NLRP5: variants seen among roughly 807,000 people sequenced by gnomAD.
NLRP5 encodes the protein NACHT, LRR and PYD domains-containing protein 5.
In NLRP5, 93 loss-of-function variants were observed where a neutral mutation model predicts 113.1. The ratio of observed to expected loss-of-function variants is 0.82; its 90% CI spans 0.70 to 0.98. The LOEUF (loss-of-function observed/expected upper bound fraction) is 0.98, where lower values mean the gene tolerates loss of function less well. NLRP5 is among the 50% of genes least tolerant of loss of function. NLRP5 has a pLI of 0.00. For missense variants in NLRP5, 1,808 were observed against 1,514.3 expected (o/e 1.19, Z -3.22); for synonymous variants, 751 against 600.7 (o/e 1.25, Z -3.66).
At chr19:56,051,092 G>A (rs992815937) in intron 12 of NLRP5, among the ~76,000 whole-genome samples, 2 of 152,152 alleles carry the variant, frequency 1.3e-5, no homozygotes, top group African/African-American at 4.8e-5. Context: ...TGTCTTCTGG[G>A]GTTCTCTTGT....
Position 56,050,289 on chromosome 19 carries a change from G to GGA in NLRP5, c.2958-129_2958-128insGA, listed in dbSNP as rs1568501904. On this transcript the variant is annotated intron_variant, in intron 11 of 14. Coordinates refer to ENST00000390649, the MANE Select transcript of NLRP5 (RefSeq NM_153447.4). ...AGCAAGACTCCTCAAAAAAAAAAAA[G>GGA]AAAAAAAAACAAATATGACCCCACC... 7 of 665,202 alleles carry GGA rather than the reference G, an allele frequency of 1.1e-5. 1 individual carries two copies. The South Asian group carries it at 1.6e-4, about 15-fold the overall frequency. The allele number at this position is 665,202 out of a possible 1,614,324, so 41.2% of individuals were successfully genotyped here. A position where few individuals can be genotyped will look rare whatever the true frequency, so the allele number is the denominator to read the frequency against.
chr19:55,990,079 C>CTTTTCTTTTCTTTTTTTTTTT, the NLRP5 span, among the ~76,000 whole-genome samples: 1 of 95,958 alleles, frequency 1.0e-5, no homozygotes. Flanking sequence ...TTTCTTTTTT[C>CTTTTCTTTTCTTTTTTTTTTT]TTTTTTTTTT....
intron 2 of NLRP5, among the ~76,000 whole-genome samples, chr19:56,005,814 T>A (rs924610392): frequency 6.6e-6 from 1 of 152,180 alleles, no homozygotes; most frequent in Non-Finnish European, 1.5e-5. Flanking sequence ...CTAGGGTTTA[T>A]CAAGTCAGCA....
Position 56,026,926 on chromosome 19 carries a change from C to T in NLRP5, c.693C>T (p.Asp231=), listed in dbSNP as rs1276751875. 15 of 1,551,168 alleles carry T rather than the reference C, an allele frequency of 9.7e-6. No individual in the cohort carries two copies. Among genetic ancestry groups the T allele is most frequent in the Non-Finnish European group, 1.2e-5 (14 of 1,146,620 alleles). ...CTCTGACTCCAGGACATGGAGGTGA[C>T]ACATGGGACTACAAGAGTCACGTGA... The change falls in exon 7 of 15, where the codon GAC becomes GAT. Residue 231 remains aspartate (D), a synonymous_variant. Transcript: ENST00000390649.
chr19:56,054,044 A>G lies in NLRP5; in HGVS notation c.3299+236A>G, dbSNP rs184357366. Among the ~76,000 whole-genome samples, 670 of 152,338 alleles carry G rather than the reference A, an allele frequency of 4.4e-3. 3 individuals carry two copies. The highest frequency in any genetic ancestry group is 7.7e-3 in the Admixed American group (118 of 15,304). On this transcript the variant is annotated intron_variant, in intron 13 of 14. Coordinates refer to ENST00000390649, the MANE Select transcript of NLRP5 (RefSeq NM_153447.4). ...AAGGTCTGGAGGTAGAAAACCCTCA[A>G]CTGCCGATTGAACGACCCCTGCGTG...
intron 11 of NLRP5, among the ~76,000 whole-genome samples, chr19:56,046,705 T>A (rs936029356): frequency 6.7e-6 from 1 of 150,208 alleles, no homozygotes; most frequent in Non-Finnish European, 1.5e-5. Flanking sequence ...TGCGGCCGGC[T>A]AATTTTTTTT....
At chr19:56,045,545 A>G (rs1182819982) in intron 11 of NLRP5, among the ~76,000 whole-genome samples, 2 of 151,914 alleles carry the variant, frequency 1.3e-5, no homozygotes, top group Non-Finnish European at 2.9e-5. Flanking sequence ...ATATCTCGTA[A>G]TGCTATCCCT....
chr19:56,010,755 A>AAAAT (rs78321861), intron 3 of NLRP5, among the ~76,000 whole-genome samples: 10 of 125,968 alleles, frequency 7.9e-5, no homozygotes, highest in South Asian at 2.5e-4. Flanking sequence ...AAAAAAAAAA[A>AAAAT]GTCCCTTGAA....
At chr19:56,028,719 G>A (rs902162167) in intron 7 of NLRP5, among the ~76,000 whole-genome samples, 6 of 152,096 alleles carry the variant, frequency 3.9e-5, no homozygotes, top group African/African-American at 4.8e-5. Context: ...ACAGGGCCCC[G>A]CCTAAGACTA....
chr19:56,007,926 T>C lies in NLRP5; in HGVS notation c.443-862T>C, dbSNP rs551559468. Among the ~76,000 whole-genome samples, 15 of 101,352 alleles carry C rather than the reference T, an allele frequency of 1.5e-4. 2 individuals are homozygous for C. Among genetic ancestry groups the C allele is most frequent in the Admixed American group, 1.1e-3 (10 of 9,490 alleles). The allele number at this position is 101,352 out of a possible 152,430, so 66.5% of individuals were successfully genotyped here. ...GTGCGTGTGTGTGTGTGTGTGTGTGTGTGTGTGTTTGAAACAGAGTCTTGC... is the reference window on the plus strand; with the variant it reads ...GTGCGTGTGTGTGTGTGTGTGTGTGCGTGTGTGTTTGAAACAGAGTCTTGC... On this transcript the variant is annotated intron_variant, in intron 2 of 14. Coordinates refer to ENST00000390649, the MANE Select transcript of NLRP5 (RefSeq NM_153447.4).
chr19:55,988,249 A>C, the NLRP5 span: 1 of 167,526 alleles, frequency 6.0e-6, no homozygotes, highest in Non-Finnish European at 1.3e-5. Context: ...AATACAAAAA[A>C]TTAGGCGTGG....
intron 7 of NLRP5, 29 bp from the exon 8 acceptor site, chr19:56,032,582 A>T: frequency 6.3e-7 from 1 of 1,595,626 alleles, no homozygotes; most frequent in Non-Finnish European, 8.6e-7. Context: ...CCATCCCATG[A>T]GCCCATGTTT....
the NLRP5 span, among the ~76,000 whole-genome samples, chr19:55,993,761 A>G: frequency 2.7e-5 from 4 of 150,628 alleles, no homozygotes; most frequent in Admixed American, 2.0e-4. Flanking sequence ...GCTTCACACA[A>G]TGAACTACAG....
At chr19:56,040,642 A>G (rs1983486741) in intron 10 of NLRP5, among the ~76,000 whole-genome samples, 1 of 152,234 alleles carries the variant, frequency 6.6e-6, no homozygotes, top group South Asian at 2.1e-4. Flanking sequence ...CATCATAGCC[A>G]TGTGGGGACT....
intron 6 of NLRP5, among the ~76,000 whole-genome samples, chr19:56,021,458 C>T (rs1982614434): frequency 1.3e-5 from 2 of 152,066 alleles, no homozygotes; most frequent in African/African-American, 2.4e-5. Flanking sequence ...AAAAAGAAAC[C>T]CCATACCCCT....
rs372922763 is a variant in NLRP5, at chr19:56,011,158, A to AAAAATATATATAT, written c.508+2306_508+2307insAAATATATATATA. Among the ~76,000 whole-genome samples the AAAAATATATATAT allele has an allele frequency of 3.9e-3, 563 of 145,212 alleles. 1 individual carries two copies. Among genetic ancestry groups the AAAAATATATATAT allele is most frequent in the African/African-American group, 0.013 (532 of 40,106 alleles). ...ATAAAATGAGACTATGTCTTTAAAA[A>AAAAATATATATAT]ATATATATACACACATACATTAATG... is the stretch of plus-strand genomic sequence containing the variant. On this transcript the variant is annotated intron_variant, in intron 3 of 14. Transcript: ENST00000390649.
At position 56,027,415 on chromosome 19, in the gene NLRP5, G is replaced by A. The variant is rs921456282; in HGVS notation, c.1182G>A (p.Leu394=). 4 of 1,613,478 alleles carry A rather than the reference G, an allele frequency of 2.5e-6. No individual in the cohort carries two copies. The highest frequency in any genetic ancestry group is 2.2e-5 in the East Asian group (1 of 44,880). ...CTCCGTTCACCCTCATACGCAGTCTGCTGAGGAAGGTCCTGCTCCCTGAGT... is the reference window on the plus strand; with the variant it reads ...CTCCGTTCACCCTCATACGCAGTCTACTGAGGAAGGTCCTGCTCCCTGAGT... Residue 394 remains leucine (L), a synonymous_variant, in exon 7 of 15, where the codon CTG becomes CTA. Transcript: ENST00000390649.
At chr19:56,026,527 C>CCAAA in intron 6 of NLRP5, among the ~76,000 whole-genome samples, 1 of 40,346 alleles carries the variant, frequency 2.5e-5, no homozygotes, top group Non-Finnish European at 4.3e-5. Context: ...GACTCCATCT[C>CCAAA]AAAAAAAAAA....
At chr19:56,003,626 A>C (rs890228308) in intron 1 of NLRP5, 110 bp from the exon 2 acceptor site, 6 of 1,295,810 alleles carry the variant, frequency 4.6e-6, no homozygotes, top group Admixed American at 2.3e-5. Context: ...TTCGTCCATG[A>C]AGAATTGAAA....
Sources: allele counts gnomAD v4.1 joint callset (sites outside exome capture counted in the v4.1 genomes callset), GRCh38; gene constraint gnomAD v4.1.1; transcripts MANE v1.5; gene names NCBI Gene and HGNC (gene_info 2026-07-23, HGNC 2026-07-21).